The following JAKMIP2 variants were observed in gnomAD, a reference collection of about 807,000 sequenced individuals.
The protein encoded by JAKMIP2 is janus kinase and microtubule interacting protein 2.
JAKMIP2 carries 25 observed loss-of-function variants against 115.0 expected under a neutral mutation model. The ratio of observed to expected loss-of-function variants is 0.22; its 90% CI spans 0.16 to 0.30. The LOEUF is 0.30. Among genes scored for constraint, JAKMIP2 ranks in the 10% least tolerant of loss-of-function variants. The pLI, the probability that JAKMIP2 is intolerant of heterozygous loss-of-function variation, is 1.00. For missense variants in JAKMIP2, 642 were observed against 957.6 expected (o/e 0.67, Z 4.35); for synonymous variants, 334 against 343.6 (o/e 0.97, Z 0.31).
chr5:147,683,248 G>A (rs1303792156), intron 1 of JAKMIP2, among the ~76,000 whole-genome samples: 4 of 152,166 alleles, frequency 2.6e-5, no homozygotes, highest in Non-Finnish European at 4.4e-5. Flanking sequence ...CCAGCACTTT[G>A]GGAGGCCAAG....
At chr5:147,763,684 G>A (rs920160216) in intron 1 of JAKMIP2, among the ~76,000 whole-genome samples, 2 of 152,104 alleles carry the variant, frequency 1.3e-5, no homozygotes, top group African/African-American at 4.8e-5. Context: ...CCAGGTAATG[G>A]AGAGGGCTTA....
At chr5:147,595,101 C>T (rs967149604) in intron 21 of JAKMIP2, among the ~76,000 whole-genome samples, 4 of 152,090 alleles carry the variant, frequency 2.6e-5, no homozygotes, top group African/African-American at 9.7e-5. Context: ...CTTTAATGAG[C>T]CTTTCTATGT....
intron 4 of JAKMIP2, 55 bp downstream of exon 4, chr5:147,650,283 G>A (rs1758331948): frequency 5.5e-6 from 6 of 1,099,156 alleles, no homozygotes; most frequent in Middle Eastern, 2.0e-4. Context: ...GTAAAACTTG[G>A]GAGCTAAATA....
At chr5:147,704,711 A>G (rs1390951119) in intron 1 of JAKMIP2, among the ~76,000 whole-genome samples, 1 of 152,184 alleles carries the variant, frequency 6.6e-6, no homozygotes, top group East Asian at 1.9e-4. Flanking sequence ...AGTCAAGTCA[A>G]GCAGAGGTTT....
intron 1 of JAKMIP2, among the ~76,000 whole-genome samples, chr5:147,759,509 G>A (rs1224292756): frequency 1.3e-5 from 2 of 152,010 alleles, no homozygotes; most frequent in African/African-American, 4.8e-5. Context: ...GCTAGTGGTG[G>A]ACAAGAAACA....
In JAKMIP2 at chr5:147,591,678, TCG is replaced by T. The variant is rs769256289; in HGVS notation, c.*27_*28del. On this transcript the variant is annotated 3_prime_UTR_variant, in exon 22 of 22. Coordinates refer to ENST00000616793, the MANE Select transcript of JAKMIP2 (RefSeq NM_001270941.2). ...TCTTCCTGGGATCTTATCCATGTTT[TCG>T]GTTACTCTGCAAAACAGAGGAAAAA... The T allele has an allele frequency of 6.3e-7, 1 of 1,593,296 alleles. No homozygotes were observed. The highest frequency in any genetic ancestry group is 2.2e-5 in the East Asian group (1 of 44,640).
intron 1 of JAKMIP2, among the ~76,000 whole-genome samples, chr5:147,686,543 G>C (rs1760581606): frequency 6.6e-6 from 1 of 152,160 alleles, no homozygotes; most frequent in Admixed American, 6.5e-5. Flanking sequence ...TGTATCCGCA[G>C]TGCTTAGCAC....
rs1009631407 is a variant in JAKMIP2, at chr5:147,618,222, T to C, written c.2143-108A>G. Reference sequence around the variant, plus strand: ...TATATGGCTGCCAACTTTAGGCTTATAGGATCTTAGCAAGAAAATAATTTT... The same window carrying C: ...TATATGGCTGCCAACTTTAGGCTTACAGGATCTTAGCAAGAAAATAATTTT... On this transcript the variant is annotated intron_variant, in intron 18 of 21. Transcript: ENST00000616793. The C allele has an allele frequency of 2.0e-4, 158 of 780,016 alleles. 1 individual carries two copies. The South Asian group carries it at 2.4e-3, about 12-fold the overall frequency. The allele number at this position is 780,016 out of a possible 1,614,324, so 48.3% of individuals were successfully genotyped here. A position where few individuals can be genotyped will look rare whatever the true frequency, so the allele number is the denominator to read the frequency against.
At chr5:147,702,615 AG>A (rs1561547428) in intron 1 of JAKMIP2, among the ~76,000 whole-genome samples, 1 of 64,578 alleles carries the variant, frequency 1.5e-5, no homozygotes, top group Non-Finnish European at 3.4e-5. Flanking sequence ...AAAGAAAGAA[AG>A]AAAGAAAGAA....
intron 1 of JAKMIP2, among the ~76,000 whole-genome samples, chr5:147,711,002 C>T (rs1752757290): frequency 6.6e-6 from 1 of 152,158 alleles, no homozygotes; most frequent in Admixed American, 6.5e-5. Context: ...TTAAATCTTT[C>T]TAAACATTAT....
At chr5:147,734,710 C>T (rs2126978631) in intron 1 of JAKMIP2, among the ~76,000 whole-genome samples, 1 of 151,472 alleles carries the variant, frequency 6.6e-6, no homozygotes, top group South Asian at 2.1e-4. Context: ...AACTTTCCAT[C>T]CTTTCATTTA....
At chr5:147,764,932 G>GAAAGAAAGAAAGAAA (rs1212179194) in intron 1 of JAKMIP2, among the ~76,000 whole-genome samples, 11 of 77,624 alleles carry the variant, frequency 1.4e-4, no homozygotes, top group Non-Finnish European at 2.0e-4. Flanking sequence ...GAGAGAGAGA[G>GAAAGAAAGAAAGAAA]AGAGAGAGAG....
intron 7 of JAKMIP2, 63 bp downstream of exon 7, chr5:147,643,995 T>C: frequency 7.3e-7 from 1 of 1,367,388 alleles, no homozygotes; most frequent in Non-Finnish European, 9.8e-7. Context: ...GCTTTCAGTG[T>C]ATATTTTGTT....
At chr5:147,646,700 T>C (rs2126734344) in intron 5 of JAKMIP2, among the ~76,000 whole-genome samples, 1 of 151,652 alleles carries the variant, frequency 6.6e-6, no homozygotes, top group South Asian at 2.1e-4. Flanking sequence ...TACACATGTA[T>C]ATGCACACTA....
At chr5:147,738,533 T>C (rs1355203739) in intron 1 of JAKMIP2, among the ~76,000 whole-genome samples, 2 of 152,134 alleles carry the variant, frequency 1.3e-5, no homozygotes, top group African/African-American at 2.4e-5. Context: ...CTGGCATAAA[T>C]CTTGAAATGA....
chr5:147,758,350 G>C (rs1754819152), intron 1 of JAKMIP2, among the ~76,000 whole-genome samples: 1 of 152,098 alleles, frequency 6.6e-6, no homozygotes, highest in African/African-American at 2.4e-5. Context: ...TTTAGGAGAG[G>C]TAAAAATAAC....
intron 1 of JAKMIP2, among the ~76,000 whole-genome samples, chr5:147,688,579 A>C (rs1580784226): frequency 1.3e-5 from 2 of 152,338 alleles, no homozygotes; most frequent in East Asian, 3.9e-4. Flanking sequence ...TTCACATAAC[A>C]GAGACTTAGT....
intron 1 of JAKMIP2, among the ~76,000 whole-genome samples, chr5:147,776,122 T>C (rs1172051595): frequency 2.6e-5 from 4 of 152,102 alleles, no homozygotes; most frequent in African/African-American, 9.7e-5. Flanking sequence ...TTGAAAACTA[T>C]GATATACATG....
chr5:147,761,846 A>T (rs1165191694), intron 1 of JAKMIP2, among the ~76,000 whole-genome samples: 1 of 152,186 alleles, frequency 6.6e-6, no homozygotes, highest in Non-Finnish European at 1.5e-5. Context: ...TAATAATAAA[A>T]GTAATTAAAC....
Sources: allele counts gnomAD v4.1 joint callset (sites outside exome capture counted in the v4.1 genomes callset), GRCh38; gene constraint gnomAD v4.1.1; transcripts MANE v1.5; gene names NCBI Gene and HGNC (gene_info 2026-07-23, HGNC 2026-07-21).